HSP90AA1: variants seen among roughly 807,000 people sequenced by gnomAD.
HSP90AA1 encodes heat shock protein HSP 90-alpha.
In HSP90AA1, 18 loss-of-function variants were observed where a neutral mutation model predicts 73.3. The observed-to-expected ratio is 0.25, with a 90% confidence interval of 0.17 to 0.36. The LOEUF (loss-of-function observed/expected upper bound fraction) is 0.36, where lower values mean the gene tolerates loss of function less well. Ranked by LOEUF, HSP90AA1 falls within the 10% of genes least tolerant of loss-of-function variation. The probability of loss-of-function intolerance (pLI) is 1.00; values close to 1 mark genes in which losing one functional copy is unlikely to be tolerated. For missense variants in HSP90AA1, 704 were observed against 874.2 expected, an observed-to-expected ratio of 0.81 and a Z score of 2.45; for synonymous variants, 477 against 296.9, an observed-to-expected ratio of 1.61 and a Z score of -6.24.
chr14:102,128,521 C>T (rs912670172), intron 1 of HSP90AA1, among the ~76,000 whole-genome samples: 2 of 150,670 alleles, frequency 1.3e-5, no homozygotes. Context: ...CCCAGCTACT[C>T]GGGAGGCTGA....
At chr14:102,133,759 A>G (rs1424158446) in intron 1 of HSP90AA1, among the ~76,000 whole-genome samples, 3 of 152,162 alleles carry the variant, frequency 2.0e-5, no homozygotes, top group Non-Finnish European at 4.4e-5. Flanking sequence ...CTGGGATTAC[A>G]GGCATGAGCC....
chr14:102,122,787 C>T (rs751024531), intron 1 of HSP90AA1, among the ~76,000 whole-genome samples: 4 of 151,846 alleles, frequency 2.6e-5, no homozygotes, highest in Non-Finnish European at 4.4e-5. Context: ...CCTGTTTCAG[C>T]CTCCCGAGTA....
At chr14:102,128,624 G>A (rs1031934585) in intron 1 of HSP90AA1, among the ~76,000 whole-genome samples, 15 of 110,534 alleles carry the variant, frequency 1.4e-4, no homozygotes, top group African/African-American at 4.2e-4. Context: ...GCAAAACTCC[G>A]TCTCGGAAAA....
intron 1 of HSP90AA1, among the ~76,000 whole-genome samples, chr14:102,132,496 G>A (rs1460807927): frequency 6.6e-6 from 1 of 152,032 alleles, no homozygotes. Context: ...GCAATGAGCC[G>A]GGCCTGTACC....
At position 102,086,467 on chromosome 14, in the gene HSP90AA1, G is replaced by A. The variant is rs1316276711; in HGVS notation, c.1-89C>T. 2.6e-5 allele frequency: 37 copies of A among 1,442,554 alleles called. No homozygotes were observed. In the South Asian group the frequency reaches 3.3e-4, roughly 13 times the overall value. 89.4% of individuals were successfully genotyped at this position (1,442,554 alleles called of 1,614,324 possible). A position where few individuals can be genotyped will look rare whatever the true frequency, so the allele number is the denominator to read the frequency against. ...ATCGCGTTCTCCAAATATTTTTAAAGCCGAATTGGAGATTTGCGAAGTTTA... is the reference window on the plus strand; with the variant it reads ...ATCGCGTTCTCCAAATATTTTTAAAACCGAATTGGAGATTTGCGAAGTTTA... On this transcript the variant is annotated intron_variant, in intron 1 of 10. Coordinates refer to ENST00000216281, the MANE Select transcript of HSP90AA1 (RefSeq NM_005348.4).
intron 1 of HSP90AA1, among the ~76,000 whole-genome samples, chr14:102,131,860 T>A (rs183488598): frequency 1.0e-3 from 153 of 152,326 alleles, no homozygotes; most frequent in South Asian, 4.8e-3. Context: ...CCTGTAAGAA[T>A]ATGGAATCCA....
At chr14:102,089,133 C>G (rs1046610977), upstream of HSP90AA1, among the ~76,000 whole-genome samples, 2 of 152,128 alleles carry the variant, frequency 1.3e-5, no homozygotes, top group African/African-American at 2.4e-5. Context: ...GTTGGCCAGG[C>G]TGGTCTCGAA....
At chr14:102,131,001 A>C (rs1295934230) in intron 1 of HSP90AA1, among the ~76,000 whole-genome samples, 1 of 152,186 alleles carries the variant, frequency 6.6e-6, no homozygotes, top group African/African-American at 2.4e-5. Flanking sequence ...TTACAGGCAT[A>C]AGCCACCATG....
rs376081595 is a variant in HSP90AA1, at chr14:102,083,589, G to A, written c.1443C>T (p.Cys481=). ...GDEMVSLKDY[C]TRMKENQKHI... is the part of the protein sequence containing the mutation. ...GTTTCTGGTTCTCCTTCATTCTGGT[G>A]CAGTAGTCCTTGAGAGAAACCATCT... Residue 481 remains cysteine (C), a synonymous_variant, in exon 8 of 11, where the codon TGC becomes TGT. Coordinates refer to ENST00000216281, the MANE Select transcript of HSP90AA1 (RefSeq NM_005348.4). The A allele has an allele frequency of 6.2e-6, 10 of 1,613,528 alleles. No homozygotes were observed. The highest frequency in any genetic ancestry group is 4.0e-5 in the African/African-American group (3 of 74,888).
rs772485768 is a variant in HSP90AA1, at chr14:102,086,030, T to C, written c.257A>G (p.Asp86Gly). 6.2e-7 allele frequency: 1 copy of C among 1,613,958 alleles called. No individual in the cohort carries two copies. Among genetic ancestry groups the C allele is most frequent in the Non-Finnish European group, 8.5e-7 (1 of 1,179,862 alleles). The change falls in exon 3 of 11, where the codon GAT becomes GGT. Residue 86 changes from aspartate (D) to glycine (G), a missense_variant. By Grantham distance (94) the Asp-to-Gly change is moderately conservative. Transcript: ENST00000216281. ...LHINLIPNKQDRTLTIVDTGI... is the reference protein window; with the variant it reads ...LHINLIPNKQGRTLTIVDTGI... ...AGTATCCACAATAGTGAGAGTTCGA[T>C]CTTGTTTGTTCGGTATAAGGTTAAT...
intron 1 of HSP90AA1, among the ~76,000 whole-genome samples, chr14:102,136,341 G>A (rs933699819): frequency 6.6e-6 from 1 of 151,104 alleles, no homozygotes; most frequent in African/African-American, 2.4e-5. Flanking sequence ...GGGCAAGGTG[G>A]GCGGATCACG....
intron 1 of HSP90AA1, among the ~76,000 whole-genome samples, chr14:102,116,098 C>T (rs189372427): frequency 1.3e-5 from 2 of 152,164 alleles, no homozygotes; most frequent in East Asian, 1.9e-4. Context: ...ACTACAGGTG[C>T]CCGCCACCAC....
exon 2 of HSP90AA1, chr14:102,102,000 G>C: frequency 2.5e-6 from 4 of 1,614,180 alleles, no homozygotes; most frequent in Non-Finnish European, 3.4e-6. Context: ...TGTTTCCAGA[G>C]ACAGAGTAGA....
intron 1 of HSP90AA1, among the ~76,000 whole-genome samples, chr14:102,129,133 A>ATTTTTTT (rs71116884): frequency 1.1e-5 from 1 of 94,396 alleles, no homozygotes; most frequent in African/African-American, 3.7e-5. Flanking sequence ...TCTAGTTTTG[A>ATTTTTTT]TTTTTTTTTT....
chr14:102,103,799 C>T (rs1353092053), intron 1 of HSP90AA1, among the ~76,000 whole-genome samples: 3 of 148,632 alleles, frequency 2.0e-5, no homozygotes, highest in Non-Finnish European at 4.5e-5. Context: ...AGCAAAACTC[C>T]GTCTCAAAAC....
intron 1 of HSP90AA1, among the ~76,000 whole-genome samples, chr14:102,114,966 C>G (rs1352124605): frequency 2.0e-5 from 3 of 152,074 alleles, no homozygotes; most frequent in African/African-American, 7.2e-5. Context: ...AACCCCGTCT[C>G]TACTAAAAAT....
intron 1 of HSP90AA1, among the ~76,000 whole-genome samples, chr14:102,137,986 G>A (rs1464569113): frequency 6.6e-6 from 1 of 150,902 alleles, no homozygotes; most frequent in Non-Finnish European, 1.5e-5. Context: ...CTGCACTCCA[G>A]CATGGCGACA....
In HSP90AA1 at chr14:102,122,574, C is replaced by T. The variant is rs187034162; in HGVS notation, c.155+16676G>A. On this transcript the variant is annotated intron_variant, in intron 1 of 11. Transcript: ENST00000334701. ...GGGATTATAGGCGTGAGCCACTGTG[C>T]CCAGCTTAAGAGGTTTTATAATACA... 4.6e-5 allele frequency among the ~76,000 whole-genome samples: 7 copies of T among 152,196 alleles called. No homozygotes were observed. In the East Asian group the frequency reaches 9.7e-4, roughly 21 times the overall value.
rs759040464 is a variant in HSP90AA1 at position 102,085,730 on chromosome 14, CT to C, written c.529+27del. 8 of 1,613,886 alleles carry C rather than the reference CT, an allele frequency of 5.0e-6. No homozygotes were observed. In the African/African-American group the frequency reaches 8.0e-5, roughly 16 times the overall value. On this transcript the variant is annotated intron_variant, in intron 3 of 10. Coordinates refer to ENST00000216281, the MANE Select transcript of HSP90AA1 (RefSeq NM_005348.4). ...CAGCACCCCACCCTTCCACCGCTCA[CT>C]TAACCAGTGAATGTTCAGGTGCCTA...
Sources: allele counts gnomAD v4.1 joint callset (sites outside exome capture counted in the v4.1 genomes callset), GRCh38; gene constraint gnomAD v4.1.1; transcripts MANE v1.5; gene names NCBI Gene and HGNC (gene_info 2026-07-23, HGNC 2026-07-21).